The following ATXN3 variants were observed in gnomAD, a reference collection of about 807,000 sequenced individuals.
The protein encoded by ATXN3 is ataxin 3.
A neutral mutation model predicts 58.2 loss-of-function variants in ATXN3; 28 were observed. That is an observed-to-expected ratio of 0.48 (90% CI 0.36 to 0.66). The LOEUF is 0.66. Ranked by LOEUF, ATXN3 falls within the 30% of genes least tolerant of loss-of-function variation. ATXN3 has a pLI of 0.00. For missense variants in ATXN3, 321 were observed against 422.1 expected (o/e 0.76, Z 2.10); for synonymous variants, 113 against 138.5 (o/e 0.82, Z 1.29).
chr14:92,071,026 C>CTGCTGCTGT lies in ATXN3; in HGVS notation c.891_899dup (p.Gln303_Gln305dup), dbSNP rs762367488. Reference sequence around the variant, plus strand: ...ATAGGTCCCCCTGCTGCTGCTGCTGCTGCTGCTGTTGCTGCTTTTGCTGCT... The same window carrying CTGCTGCTGT: ...ATAGGTCCCCCTGCTGCTGCTGCTGCTGCTGCTGTTGCTGCTGTTGCTGCTTTTGCTGCT... On this transcript the variant is annotated inframe_insertion, in exon 10 of 11. Transcript: ENST00000644486. 9.3e-6 allele frequency: 15 copies of CTGCTGCTGT among 1,610,086 alleles called. No individual in the cohort carries two copies. Among genetic ancestry groups the CTGCTGCTGT allele is most frequent in the East Asian group, 2.2e-5 (1 of 44,700 alleles).
intron 1 of ATXN3, among the ~76,000 whole-genome samples, chr14:92,098,729 T>G (rs1342696238): frequency 6.6e-6 from 1 of 152,226 alleles, no homozygotes; most frequent in East Asian, 1.9e-4. Context: ...TTCATGGAAC[T>G]CTACAGATAA....
intron 5 of ATXN3, among the ~76,000 whole-genome samples, chr14:92,093,035 T>TG (rs2064226354): frequency 7.0e-6 from 1 of 143,154 alleles, no homozygotes; most frequent in Non-Finnish European, 1.5e-5. Flanking sequence ...GGCTCTTTGT[T>TG]TTTTTTTTTA....
chr14:92,093,237 G>A lies in ATXN3; in HGVS notation c.387+15C>T. 1 of 1,476,916 alleles carries A rather than the reference G, an allele frequency of 6.8e-7. No homozygotes were observed. Among genetic ancestry groups the A allele is most frequent in the Non-Finnish European group, 9.4e-7 (1 of 1,068,628 alleles). The allele number at this position is 1,476,916 out of a possible 1,614,324, so 91.5% of individuals were successfully genotyped here. On this transcript the variant is annotated intron_variant, in intron 5 of 10. Coordinates refer to ENST00000644486, the MANE Select transcript of ATXN3 (RefSeq NM_004993.6). ...AATATAAGAAAAAAAGACAAGGAAG[G>A]GTAAGAAATGTTACCTGTTTTCCTA...
At chr14:92,082,182 A>G in intron 8 of ATXN3, 118 bp downstream of exon 8, 1 of 1,148,204 alleles carries the variant, frequency 8.7e-7, no homozygotes, top group South Asian at 1.8e-5. Flanking sequence ...CTATATAGCT[A>G]TTGCTTCTGC....
intron 7 of ATXN3, 52 bp from the exon 8 acceptor site, chr14:92,082,518 A>T: frequency 6.6e-7 from 1 of 1,510,198 alleles, no homozygotes; most frequent in South Asian, 1.3e-5. Flanking sequence ...TATTTTAGAC[A>T]TAACATAAAG....
upstream of ATXN3, among the ~76,000 whole-genome samples, chr14:92,053,378 G>A (rs1021505518): frequency 6.6e-6 from 1 of 151,952 alleles, no homozygotes. Context: ...TAGTTGTCAT[G>A]TTAAGTTCTG....
chr14:92,070,527 C>T (rs868230985), intron 10 of ATXN3, among the ~76,000 whole-genome samples: 3 of 151,982 alleles, frequency 2.0e-5, no homozygotes, highest in South Asian at 2.1e-4. Flanking sequence ...TGCAGTGAGC[C>T]GAGATCGCGA....
chr14:92,054,160 T>C (rs1189169762), downstream of ATXN3, among the ~76,000 whole-genome samples: 1 of 152,072 alleles, frequency 6.6e-6, no homozygotes, highest in Non-Finnish European at 1.5e-5. Flanking sequence ...GGTCTTGAAC[T>C]CTTGACCTTG....
In ATXN3 at chr14:92,062,616, C is replaced by G. The variant is rs1289106969; in HGVS notation, c.*1704G>C. On this transcript the variant is annotated 3_prime_UTR_variant, in exon 11 of 11. Coordinates refer to ENST00000644486, the MANE Select transcript of ATXN3 (RefSeq NM_004993.6). The stretch of plus-strand genomic sequence containing the variant: ...GCAGTTTTAAAGTTTTATAATTCTT[C>G]TGAAACATTTTTAACTATTAAAAGA... The G allele has an allele frequency of 6.6e-6, 1 of 152,068 alleles. No individual in the cohort carries two copies. The highest frequency in any genetic ancestry group is 1.5e-5 in the Non-Finnish European group (1 of 68,008). 9.4% of individuals were successfully genotyped at this position (152,068 alleles called of 1,614,324 possible). A position where few individuals can be genotyped will look rare whatever the true frequency, so the allele number is the denominator to read the frequency against.
In ATXN3 at chr14:92,104,739, A is replaced by G. The variant is rs538654106; in HGVS notation, c.24+1790T>C. On this transcript the variant is annotated intron_variant, in intron 1 of 10. Transcript: ENST00000644486. ...GGAGTTGGAGACCAGCCTGGCCAAC[A>G]TGGTGAAACCCTGTCTCTACTAAAA... Among the ~76,000 whole-genome samples, 230 of 152,060 alleles carry G rather than the reference A, an allele frequency of 1.5e-3. 1 individual carries two copies. The highest frequency in any genetic ancestry group is 4.1e-3 in the Admixed American group (63 of 15,276).
At chr14:92,068,143 C>T (rs1041413209) in intron 10 of ATXN3, among the ~76,000 whole-genome samples, 5 of 152,196 alleles carry the variant, frequency 3.3e-5, no homozygotes, top group African/African-American at 1.2e-4. Context: ...TTCAGCCTCC[C>T]TGTGACCACT....
Position 92,105,421 on chromosome 14 carries a change from TA to T in ATXN3, c.24+1107del, listed in dbSNP as rs1431554973. Among the ~76,000 whole-genome samples, 8 of 152,240 alleles carry T rather than the reference TA, an allele frequency of 5.3e-5. No homozygotes were observed. The East Asian group carries it at 1.3e-3, about 26-fold the overall frequency. ...ACAGAATGAGACCCCATCTTTAAAA[TA>T]AAAATTAAAAAAAATTTATGCTACA... On this transcript the variant is annotated intron_variant, in intron 1 of 10. Transcript: ENST00000644486.
chr14:92,084,202 C>T (rs989531784), intron 6 of ATXN3, among the ~76,000 whole-genome samples: 1 of 152,148 alleles, frequency 6.6e-6, no homozygotes, highest in Admixed American at 6.5e-5. Flanking sequence ...ATACATCTAC[C>T]TTATTAGTTC....
At chr14:92,094,520 A>G (rs10151170) in intron 3 of ATXN3, among the ~76,000 whole-genome samples, 43,013 of 152,164 alleles carry the variant, frequency 0.28, 6,428 homozygotes, top group East Asian at 0.44. Flanking sequence ...CAGAAATCAT[A>G]TCTACCAAAA....
chr14:92,093,721 T>A (rs750559945), intron 4 of ATXN3, 25 bp downstream of exon 4: 2 of 1,490,710 alleles, frequency 1.3e-6, no homozygotes, highest in Non-Finnish European at 9.2e-7. Flanking sequence ...AAAAGAAATG[T>A]ATGAAATGCA....
chr14:92,076,199 A>G (rs1328779633), intron 9 of ATXN3, among the ~76,000 whole-genome samples: 1 of 152,180 alleles, frequency 6.6e-6, no homozygotes, highest in Admixed American at 6.5e-5. Flanking sequence ...TAATCCCAGC[A>G]TGTTGGGAGA....
At chr14:92,047,585 C>G (rs956472805) in intron 2 of ATXN3, among the ~76,000 whole-genome samples, 4 of 151,844 alleles carry the variant, frequency 2.6e-5, no homozygotes, top group Non-Finnish European at 5.9e-5. Context: ...GAGGAAGAGG[C>G]GAAGGAGGCT....
At chr14:92,083,055 T>C in intron 7 of ATXN3, 71 bp downstream of exon 7, 1 of 1,521,112 alleles carries the variant, frequency 6.6e-7, no homozygotes. Context: ...ACATATTCAA[T>C]CTAAGCATGA....
At chr14:92,073,710 A>G (rs55656743) in intron 9 of ATXN3, among the ~76,000 whole-genome samples, 41,182 of 151,756 alleles carry the variant, frequency 0.27, 5,821 homozygotes, top group East Asian at 0.44. Context: ...GTGTTGGCGC[A>G]CACCTGTAAT....
Sources: allele counts gnomAD v4.1 joint callset (sites outside exome capture counted in the v4.1 genomes callset), GRCh38; gene constraint gnomAD v4.1.1; transcripts MANE v1.5; gene names NCBI Gene and HGNC (gene_info 2026-07-23, HGNC 2026-07-21).